Variants in PATJ observed in about 807,000 individuals in gnomAD.
The protein encoded by PATJ is inaD-like protein.
Under a neutral mutation model 224.9 loss-of-function variants are expected in PATJ, and 190 were observed. The observed-to-expected ratio is 0.84, with a 90% CI of 0.75 to 0.95. PATJ has a LOEUF of 0.95. PATJ is among the 40% of genes least tolerant of loss of function. PATJ has a pLI of 0.00. For synonymous variants in PATJ, 769 were observed against 820.3 expected, an observed-to-expected ratio of 0.94 and a Z score of 1.07; for missense variants, 2,121 against 2,270.3, an observed-to-expected ratio of 0.93 and a Z score of 1.34.
chr1:61,908,816 T>G (rs1329844889), intron 25 of PATJ, among the ~76,000 whole-genome samples: 1 of 152,210 alleles, frequency 6.6e-6, no homozygotes, highest in Non-Finnish European at 1.5e-5. Context: ...TGAAATACTT[T>G]GAACAGAGGG....
At chr1:61,900,518 C>G (rs994764424) in intron 23 of PATJ, among the ~76,000 whole-genome samples, 12 of 152,188 alleles carry the variant, frequency 7.9e-5, no homozygotes, top group African/African-American at 2.9e-4. Context: ...CAACGAGCCA[C>G]TCAGTGGCTA....
chr1:62,139,199 A>G (rs1047781523), intron 41 of PATJ, among the ~76,000 whole-genome samples: 4 of 151,954 alleles, frequency 2.6e-5, no homozygotes, highest in African/African-American at 7.3e-5. Context: ...TTGGGAGTTT[A>G]AGACCAGCCT....
intron 30 of PATJ, among the ~76,000 whole-genome samples, chr1:62,048,505 C>CT (rs1352646769): frequency 2.2e-5 from 3 of 137,216 alleles, no homozygotes; most frequent in African/African-American, 7.9e-5. Flanking sequence ...GAGATCGTGC[C>CT]ACTGCATTCT....
intron 29 of PATJ, among the ~76,000 whole-genome samples, chr1:62,019,824 A>C (rs758419152): frequency 2.0e-5 from 3 of 152,148 alleles, no homozygotes; most frequent in Non-Finnish European, 4.4e-5. Flanking sequence ...GATGTTGTTC[A>C]TTAAGAGAAG....
chr1:62,132,355 C>T lies in PATJ; in HGVS notation c.5271+3410C>T, dbSNP rs147672867. Among the ~76,000 whole-genome samples, 216 of 152,160 alleles carry T rather than the reference C, an allele frequency of 1.4e-3. 3 individuals are homozygous for T. In the East Asian group the frequency reaches 0.035, roughly 24 times the overall value. On this transcript the variant is annotated intron_variant, in intron 41 of 43. Coordinates refer to ENST00000642238, the MANE Select transcript of PATJ (RefSeq NM_001350145.3). ...TCTACTAAAAATACAAAAAAGTAGC[C>T]GGATTGGCGGTGCACCTCTGTAATC...
At chr1:61,889,496 C>G (rs1669295603) in intron 22 of PATJ, among the ~76,000 whole-genome samples, 1 of 152,112 alleles carries the variant, frequency 6.6e-6, no homozygotes, top group Non-Finnish European at 1.5e-5. Context: ...ACAGACAGTA[C>G]CAAGCCCTAT....
Position 62,128,888 on chromosome 1 carries a change from G to C in PATJ, c.5214G>C (p.Leu1738=). 6.2e-7 allele frequency: 1 copy of C among 1,613,678 alleles called. No homozygotes were observed. The highest frequency in any genetic ancestry group is 8.5e-7 in the Non-Finnish European group (1 of 1,179,646). ...VSINGQPLDG[L]SHADVVNLLK... ...TTAACGGGCAACCTTTGGATGGGCT[G>C]TCTCACGCGGATGTGGTTAATCTGC... is the stretch of plus-strand genomic sequence containing the variant. The change falls in exon 41 of 44, where the codon CTG becomes CTC. Residue 1738 remains leucine (L), a synonymous_variant. Transcript: ENST00000642238.
chr1:62,091,114 AGAGATCCCAGGCTATGAAT>A (rs1244115362), intron 33 of PATJ, among the ~76,000 whole-genome samples: 1 of 152,160 alleles, frequency 6.6e-6, no homozygotes, highest in Non-Finnish European at 1.5e-5. Flanking sequence ...ATCCATTGCC[AGAGATCCCAGGCTATGAAT>A]GAGATCCCAG....
intron 17 of PATJ, among the ~76,000 whole-genome samples, chr1:61,854,208 A>G (rs1166625737): frequency 6.6e-6 from 1 of 152,236 alleles, no homozygotes; most frequent in African/African-American, 2.4e-5. Flanking sequence ...TAATTCCCAC[A>G]GAAAACCTAG....
chr1:62,013,023 C>A (rs1646543458), intron 28 of PATJ, among the ~76,000 whole-genome samples: 1 of 152,278 alleles, frequency 6.6e-6, no homozygotes, highest in African/African-American at 2.4e-5. Flanking sequence ...TAGCCATAAA[C>A]ACCCGTATTG....
chr1:62,021,151 T>C (rs1647057056), intron 29 of PATJ, among the ~76,000 whole-genome samples: 1 of 152,122 alleles, frequency 6.6e-6, no homozygotes, highest in African/African-American at 2.4e-5. Context: ...CTCACAGTTT[T>C]GGAGGCTAGG....
At chr1:61,841,751 T>G (rs1661131834) in intron 17 of PATJ, among the ~76,000 whole-genome samples, 1 of 152,152 alleles carries the variant, frequency 6.6e-6, no homozygotes, top group Non-Finnish European at 1.5e-5. Flanking sequence ...ACAGCTGCAT[T>G]TAAAGGTCAC....
At chr1:62,129,131 A>C (rs1666026297) in intron 41 of PATJ, among the ~76,000 whole-genome samples, 186 bp downstream of exon 41, 2 of 152,238 alleles carry the variant, frequency 1.3e-5, no homozygotes, top group African/African-American at 4.8e-5. Context: ...ACAGGTAGTG[A>C]GCATGATTAT....
rs1197609296 is a variant in PATJ at position 62,060,845 on chromosome 1, C to A, written c.4125+9787C>A. ...GCATAAGCCACTGCACCAGACCTTT[C>A]AACTTTTATTTTATTTCTGTATTTT... On this transcript the variant is annotated intron_variant, in intron 31 of 43. Transcript: ENST00000642238. Among the ~76,000 whole-genome samples the A allele has an allele frequency of 2.6e-5, 4 of 152,060 alleles. No homozygotes were observed. In the South Asian group the frequency reaches 6.2e-4, roughly 24 times the overall value.
intron 43 of PATJ, among the ~76,000 whole-genome samples, chr1:62,154,568 T>C (rs113589250): frequency 0.019 from 2,749 of 147,418 alleles, 59 homozygotes; most frequent in African/African-American, 0.057. Flanking sequence ...GGCTGAGACA[T>C]GAAAATCCCT....
Position 62,018,459 on chromosome 1 carries a change from G to T in PATJ, c.3959+512G>T, listed in dbSNP as rs963741893. Among the ~76,000 whole-genome samples the T allele has an allele frequency of 3.3e-5, 5 of 152,186 alleles. No individual in the cohort carries two copies. Among genetic ancestry groups the T allele is most frequent in the African/African-American group, 1.2e-4 (5 of 41,452 alleles). ...CACATTTACTCAGACCTCCCTGCAA[G>T]CTGATTGAGCCCTCATGGTACAAGT... On this transcript the variant is annotated intron_variant, in intron 29 of 43. Transcript: ENST00000642238. This position sits in a 1 kb window ranked among gnomAD's most constrained non-coding sequence, Gnocchi z 4.2.
intron 31 of PATJ, among the ~76,000 whole-genome samples, chr1:62,056,934 C>A (rs1430303267): frequency 6.6e-6 from 1 of 152,164 alleles, no homozygotes; most frequent in Non-Finnish European, 1.5e-5. Context: ...TCAAGCAGTT[C>A]TCGTTCCTTA....
At chr1:61,817,724 T>G (rs977349659) in intron 14 of PATJ, among the ~76,000 whole-genome samples, 1 of 152,226 alleles carries the variant, frequency 6.6e-6, no homozygotes, top group African/African-American at 2.4e-5. Context: ...AATGAAGCTC[T>G]AATGGATCGT....
chr1:61,858,052 GAAGA>G (rs747368676), intron 18 of PATJ, among the ~76,000 whole-genome samples: 1 of 152,180 alleles, frequency 6.6e-6, no homozygotes, highest in African/African-American at 2.4e-5. Context: ...GCATTGCTGT[GAAGA>G]AATACCTGAG....
Sources: allele counts gnomAD v4.1 joint callset (sites outside exome capture counted in the v4.1 genomes callset), GRCh38; gene constraint gnomAD v4.1.1; non-coding constraint Gnocchi (gnomAD v3.1); transcripts MANE v1.5; gene names NCBI Gene and HGNC (gene_info 2026-07-23, HGNC 2026-07-21).